GULP1: variants seen among roughly 807,000 people sequenced by gnomAD.
GULP1 encodes PTB domain-containing engulfment adapter protein 1.
Under a neutral mutation model 40.9 loss-of-function variants are expected in GULP1, and 19 were observed. The observed-to-expected ratio is 0.46, with a 90% CI of 0.32 to 0.68. The LOEUF (loss-of-function observed/expected upper bound fraction) is 0.68. Ranked by LOEUF, GULP1 falls within the 30% of genes least tolerant of loss-of-function variation. The pLI is 0.03. For missense variants in GULP1, 312 were observed against 362.2 expected, an observed-to-expected ratio of 0.86 and a Z score of 1.12; for synonymous variants, 119 against 117.6, an observed-to-expected ratio of 1.01 and a Z score of -0.08.
At chr2:188,293,232 TC>T (rs1269801772) in intron 1 of GULP1, 1 of 152,208 alleles carries the variant, frequency 6.6e-6, no homozygotes, top group East Asian at 1.9e-4. Flanking sequence ...TAGTAGTGTT[TC>T]CCAACTGAGC....
chr2:188,582,080 G>C (rs761479267), intron 9 of GULP1, among the ~76,000 whole-genome samples: 5 of 151,816 alleles, frequency 3.3e-5, no homozygotes, highest in African/African-American at 7.3e-5. Context: ...CTTAGGTCCC[G>C]ATGAATGCAA....
At chr2:188,443,917 T>G (rs1007297468) in intron 2 of GULP1, among the ~76,000 whole-genome samples, 3 of 152,206 alleles carry the variant, frequency 2.0e-5, no homozygotes, top group Non-Finnish European at 4.4e-5. Flanking sequence ...ATTCTCATCA[T>G]ATTTGTTTTT....
chr2:188,488,030 G>A (rs1192662493), intron 4 of GULP1, among the ~76,000 whole-genome samples: 1 of 151,992 alleles, frequency 6.6e-6, no homozygotes, highest in East Asian at 1.9e-4. Flanking sequence ...TATCAGATGT[G>A]ACAGTAAGAT....
chr2:188,294,307 T>G (rs557038313), intron 1 of GULP1: 1 of 152,330 alleles, frequency 6.6e-6, no homozygotes, highest in Non-Finnish European at 1.5e-5. Context: ...GGAATTAAAG[T>G]AGAAACGTAT....
intron 2 of GULP1, among the ~76,000 whole-genome samples, chr2:188,448,270 A>G (rs975588888): frequency 3.9e-5 from 6 of 152,208 alleles, no homozygotes; most frequent in Non-Finnish European, 8.8e-5. Flanking sequence ...TCTTTGTCCT[A>G]CACTGTTATA....
intron 7 of GULP1, among the ~76,000 whole-genome samples, chr2:188,554,224 G>T (rs1270349231): frequency 6.6e-6 from 1 of 151,606 alleles, no homozygotes; most frequent in Non-Finnish European, 1.5e-5. Flanking sequence ...GTTCCTTAAG[G>T]TATATTGTTA....
At chr2:188,358,794 C>A (rs2045704479) in intron 1 of GULP1, among the ~76,000 whole-genome samples, 1 of 152,068 alleles carries the variant, frequency 6.6e-6, no homozygotes, top group Non-Finnish European at 1.5e-5. Flanking sequence ...GCTTCACATA[C>A]AATTCAGTTT....
At chr2:188,588,595 T>G (rs1174547781) in intron 11 of GULP1, 1 of 152,330 alleles carries the variant, frequency 6.6e-6, no homozygotes, top group African/African-American at 2.4e-5. Context: ...GTCTTCTCTT[T>G]ATATTTGCCC....
intron 7 of GULP1, among the ~76,000 whole-genome samples, chr2:188,565,433 C>T (rs112158849): frequency 6.6e-5 from 10 of 151,798 alleles, no homozygotes; most frequent in African/African-American, 9.7e-5. Flanking sequence ...AATGAACACA[C>T]GAAACTGAGC....
intron 2 of GULP1, among the ~76,000 whole-genome samples, chr2:188,468,896 G>A (rs2060352938): frequency 6.6e-6 from 1 of 152,166 alleles, no homozygotes; most frequent in South Asian, 2.1e-4. Context: ...CAAAGGGTAA[G>A]CAGTGAAGTG....
chr2:188,590,229 C>T (rs1006834210), intron 11 of GULP1: 12 of 152,182 alleles, frequency 7.9e-5, no homozygotes, highest in African/African-American at 2.9e-4. Context: ...CCACTTAGAC[C>T]TCCCAAAGTG....
rs940367738 is a variant in GULP1 at position 188,594,235 on chromosome 2, G to C, written c.*224G>C. 6 of 332,324 alleles carry C rather than the reference G, an allele frequency of 1.8e-5. No individual in the cohort carries two copies. The highest frequency in any genetic ancestry group is 3.3e-5 in the Non-Finnish European group (6 of 182,896). The allele number at this position is 332,324 out of a possible 1,614,324, so 20.6% of individuals were successfully genotyped here. ...AGATCATACTTTTATGTTCCTTTCT[G>C]TTTCTACTGTAGATGAATTTGTAAT... is the stretch of plus-strand genomic sequence containing the variant. On this transcript the variant is annotated 3_prime_UTR_variant, in exon 12 of 12. Coordinates refer to ENST00000409830, the MANE Select transcript of GULP1 (RefSeq NM_016315.4).
At chr2:188,557,417 A>G (rs1223112028) in intron 7 of GULP1, among the ~76,000 whole-genome samples, 1 of 152,246 alleles carries the variant, frequency 6.6e-6, no homozygotes, top group African/African-American at 2.4e-5. Context: ...GAAAGGAGAT[A>G]CAGGCCTCAC....
At chr2:188,593,869 G>A (rs889422928) in intron 11 of GULP1, 71 bp from the exon 12 acceptor site, 3 of 849,966 alleles carry the variant, frequency 3.5e-6, no homozygotes, top group Admixed American at 3.8e-5. Context: ...TTAGTGCATA[G>A]TCTTTTTTAT....
At chr2:188,582,661 A>G in intron 9 of GULP1, 1 of 388,934 alleles carries the variant, frequency 2.6e-6, no homozygotes. Context: ...AAAAATTTAG[A>G]TGTATCTTGA....
intron 7 of GULP1, among the ~76,000 whole-genome samples, chr2:188,563,986 A>G (rs114775937): frequency 0.011 from 1,660 of 152,132 alleles, 38 homozygotes; most frequent in African/African-American, 0.037. Context: ...AGAAAAATCA[A>G]TCAACGTAAT....
intron 4 of GULP1, among the ~76,000 whole-genome samples, chr2:188,517,446 A>G (rs1251713826): frequency 6.6e-6 from 1 of 152,098 alleles, no homozygotes; most frequent in East Asian, 1.9e-4. Context: ...TTGACTGTAG[A>G]GTATTAGCCA....
intron 5 of GULP1, among the ~76,000 whole-genome samples, chr2:188,523,562 T>A (rs1347462537): frequency 1.3e-5 from 2 of 152,196 alleles, no homozygotes; most frequent in Non-Finnish European, 2.9e-5. Flanking sequence ...CACTACTTTT[T>A]TTTTTTACAC....
At chr2:188,494,591 A>G (rs1387409805) in intron 4 of GULP1, among the ~76,000 whole-genome samples, 1 of 152,006 alleles carries the variant, frequency 6.6e-6, no homozygotes, top group Non-Finnish European at 1.5e-5. Flanking sequence ...AGTAGTGTCC[A>G]CCCATCAGGT....
Sources: gnomAD v4.1 joint callset for allele counts (sites outside exome capture counted in the v4.1 genomes callset) on GRCh38, gnomAD v4.1.1 for gene constraint, MANE v1.5 for transcripts, NCBI Gene and HGNC (gene_info 2026-07-23, HGNC 2026-07-21) for gene names.